Variants in WFDC3 observed in about 807,000 individuals in gnomAD.
The protein encoded by WFDC3 is WAP four-disulfide core domain protein 3.
In WFDC3, 15 loss-of-function variants were observed where a neutral mutation model predicts 25.8. The observed-to-expected ratio is 0.58, with a 90% CI of 0.39 to 0.89. The LOEUF (loss-of-function observed/expected upper bound fraction) is 0.89, where lower values mean the gene tolerates loss of function less well. Ranked by LOEUF, WFDC3 falls within the 40% of genes least tolerant of loss-of-function variation. The probability of loss-of-function intolerance (pLI) is 0.00; values close to 1 mark genes in which losing one functional copy is unlikely to be tolerated. For synonymous variants in WFDC3, 103 were observed against 107.1 expected (o/e 0.96, Z 0.24); for missense variants, 264 against 289.8 (o/e 0.91, Z 0.65).
At chr20:45,786,530 C>T (rs947027029) in intron 4 of WFDC3, among the ~76,000 whole-genome samples, 10 of 152,188 alleles carry the variant, frequency 6.6e-5, no homozygotes, top group African/African-American at 2.4e-4. Context: ...TCTTTCTCTG[C>T]CATGAGACTA....
At chr20:45,790,926 A>AT (rs769868832) in intron 1 of WFDC3, 1 of 470,996 alleles carries the variant, frequency 2.1e-6, no homozygotes, top group South Asian at 1.5e-5. Flanking sequence ...CTGCCCACAT[A>AT]TACCTCCTTT....
At chr20:45,787,714 C>CTTTT in intron 4 of WFDC3, 122 bp downstream of exon 4, 2 of 1,025,192 alleles carry the variant, frequency 2.0e-6, no homozygotes, top group Non-Finnish European at 2.6e-6. Context: ...CTTTGTATAT[C>CTTTT]TTTTTTTTTT....
intron 1 of WFDC3, 98 bp downstream of exon 1, chr20:45,791,733 CA>C (rs1328677852): frequency 5.9e-6 from 2 of 341,490 alleles, no homozygotes; most frequent in Admixed American, 4.9e-5. Context: ...GGCCTTGGCC[CA>C]GCGGGAAACA....
Position 45,776,622 on chromosome 20 carries a change from GAA to G in WFDC3, c.493+451_493+452del, listed in dbSNP as rs1226870114. Among the ~76,000 whole-genome samples, 428 of 76,234 alleles carry G rather than the reference GAA, an allele frequency of 5.6e-3. 1 individual carries two copies. Among genetic ancestry groups the G allele is most frequent in the Middle Eastern group, 7.9e-3 (1 of 126 alleles). 50.0% of individuals were successfully genotyped at this position (76,234 alleles called of 152,430 possible). On this transcript the variant is annotated intron_variant, in intron 5 of 6. Coordinates refer to ENST00000243938, the MANE Select transcript of WFDC3 (RefSeq NM_080614.2). ...CAAAAAAAAAAAAAAAGAAAAAAAA[GAA>G]AAAAAAAAAAAATATATATATATAT...
At chr20:45,787,423 T>C (rs186019749) in intron 4 of WFDC3, among the ~76,000 whole-genome samples, 3,960 of 150,972 alleles carry the variant, frequency 0.026, 189 homozygotes, top group African/African-American at 0.091. Context: ...CCTAAGTAGC[T>C]GGGACTACAG....
chr20:45,785,289 G>A (rs1365533476), intron 4 of WFDC3, among the ~76,000 whole-genome samples: 5 of 151,872 alleles, frequency 3.3e-5, no homozygotes, highest in African/African-American at 1.2e-4. Context: ...GACCAACATG[G>A]CAAAACCCCA....
Position 45,774,409 on chromosome 20 carries a change from T to A in WFDC3, c.*19A>T, listed in dbSNP as rs2018831763. 1 of 1,613,918 alleles carries A rather than the reference T, an allele frequency of 6.2e-7. No individual in the cohort carries two copies. The highest frequency in any genetic ancestry group is 8.5e-7 in the Non-Finnish European group (1 of 1,179,996). ...AAGCTTCCAGAATTACCAAAGAAGCTCCAGACAAATCAGCACAGCTAGGGC... is the reference window on the plus strand; with the variant it reads ...AAGCTTCCAGAATTACCAAAGAAGCACCAGACAAATCAGCACAGCTAGGGC... On this transcript the variant is annotated 3_prime_UTR_variant, in exon 7 of 7. Transcript: ENST00000243938.
At chr20:45,788,162 G>T in intron 3 of WFDC3, 180 bp from the exon 4 acceptor site, 1 of 516,086 alleles carries the variant, frequency 1.9e-6, no homozygotes, top group Non-Finnish European at 3.2e-6. Flanking sequence ...AATTAGTCGG[G>T]GGTGGTGGCA....
intron 1 of WFDC3, among the ~76,000 whole-genome samples, chr20:45,791,297 CTTT>C (rs74176818): frequency 1.0e-4 from 8 of 79,156 alleles, no homozygotes; most frequent in Admixed American, 4.7e-4. Context: ...GCCTAATGTG[CTTT>C]TTTTTTTTTT....
At chr20:45,776,660 A>ATATATGTGTGTGTGTGTG (rs762240715) in intron 5 of WFDC3, among the ~76,000 whole-genome samples, 17 of 93,304 alleles carry the variant, frequency 1.8e-4, no homozygotes, top group African/African-American at 6.6e-4. Context: ...ATATATATAT[A>ATATATGTGTGTGTGTGTG]TGTGTGTGTG....
At chr20:45,775,960 G>A (rs574409980) in intron 5 of WFDC3, among the ~76,000 whole-genome samples, 2 of 152,260 alleles carry the variant, frequency 1.3e-5, no homozygotes, top group East Asian at 3.9e-4. Context: ...TCTTCACGGT[G>A]GCCTCCTCTG....
intron 4 of WFDC3, among the ~76,000 whole-genome samples, chr20:45,785,029 T>C (rs1295766710): frequency 3.9e-5 from 6 of 152,146 alleles, no homozygotes; most frequent in Admixed American, 3.3e-4. Context: ...AGAGAATGAT[T>C]CCAGTTCCTT....
intron 1 of WFDC3, among the ~76,000 whole-genome samples, chr20:45,791,277 C>G (rs1980972844): frequency 7.6e-6 from 1 of 132,260 alleles, no homozygotes; most frequent in Non-Finnish European, 1.6e-5. Context: ...TTGATGATGA[C>G]CTAACATGTG....
intron 4 of WFDC3, among the ~76,000 whole-genome samples, chr20:45,777,593 A>T (rs1240174989): frequency 6.6e-6 from 1 of 152,116 alleles, no homozygotes; most frequent in African/African-American, 2.4e-5. Flanking sequence ...ATCATAGCTC[A>T]TTGCAGCCTG....
At chr20:45,783,406 AG>A (rs1980535195) in intron 4 of WFDC3, among the ~76,000 whole-genome samples, 1 of 151,950 alleles carries the variant, frequency 6.6e-6, no homozygotes, top group African/African-American at 2.4e-5. Context: ...TGAGCCCAGG[AG>A]GTTGAGGCTG....
chr20:45,785,444 G>A (rs1980625248), intron 4 of WFDC3, among the ~76,000 whole-genome samples: 1 of 148,364 alleles, frequency 6.7e-6, no homozygotes, highest in Non-Finnish European at 1.5e-5. Flanking sequence ...ACTCCTGCCT[G>A]GGCGACAGCC....
chr20:45,790,929 C>A (rs1416660670), intron 1 of WFDC3: 1 of 471,030 alleles, frequency 2.1e-6, no homozygotes, highest in Admixed American at 2.3e-5. Context: ...CCCACATATA[C>A]CTCCTTTATT....
chr20:45,787,830 T>A lies in WFDC3; in HGVS notation c.358+6A>T. The A allele has an allele frequency of 6.2e-7, 1 of 1,611,134 alleles. No homozygotes were observed. Among genetic ancestry groups the A allele is most frequent in the Non-Finnish European group, 8.5e-7 (1 of 1,178,634 alleles). ...GACCATGAGGTGTGGGGACAGCGTT[T>A]CTTACCCAGCTTCTGTTTAGAGATT... On this transcript the variant is annotated splice_donor_region_variant and intron_variant, in intron 4 of 6. Coordinates refer to ENST00000243938, the MANE Select transcript of WFDC3 (RefSeq NM_080614.2).
chr20:45,784,851 C>G (rs1054992659), intron 4 of WFDC3, among the ~76,000 whole-genome samples: 4 of 152,164 alleles, frequency 2.6e-5, no homozygotes, highest in Admixed American at 6.5e-5. Flanking sequence ...TTACAACAAG[C>G]CTTCGAGGTT....
Sources: allele counts gnomAD v4.1 joint callset (sites outside exome capture counted in the v4.1 genomes callset), GRCh38; gene constraint gnomAD v4.1.1; transcripts MANE v1.5; gene names NCBI Gene and HGNC (gene_info 2026-07-23, HGNC 2026-07-21).